The following TBC1D22B variants were observed in gnomAD, a reference collection of about 807,000 sequenced individuals.
TBC1D22B encodes chromosome 6 open reading frame 197.
Under a neutral mutation model 69.1 loss-of-function variants are expected in TBC1D22B, and 32 were observed. The observed-to-expected ratio is 0.46, with a 90% confidence interval of 0.35 to 0.62. The LOEUF (loss-of-function observed/expected upper bound fraction) is 0.62, where lower values mean the gene tolerates loss of function less well. TBC1D22B is among the 20% of genes least tolerant of loss of function. The pLI is 0.00. For missense variants in TBC1D22B, 462 were observed against 630.9 expected (o/e 0.73, Z 2.87); for synonymous variants, 206 against 229.8 (o/e 0.90, Z 0.94).
At chr6:37,318,137 A>G (rs1420939157) in intron 12 of TBC1D22B, among the ~76,000 whole-genome samples, 1 of 152,214 alleles carries the variant, frequency 6.6e-6, no homozygotes, top group Non-Finnish European at 1.5e-5. Context: ...CAAGAGTGGA[A>G]GCAGAGACCA....
rs201376208 is a variant in TBC1D22B, at chr6:37,331,108, T to C, written c.1454T>C (p.Leu485Pro). 6.2e-7 allele frequency: 1 copy of C among 1,614,200 alleles called. No homozygotes were observed. The highest frequency in any genetic ancestry group is 8.5e-7 in the Non-Finnish European group (1 of 1,180,028). Residue 485 changes from leucine (L) to proline (P), a missense_variant, in exon 13 of 13, where the codon CTT (leucine) becomes CCT (proline). Transcript: ENST00000373491. ...TGGGGCAACGAAGAAATTGGGCTGC[T>C]TCTCGCCGAGGCATACAGACTCAAG... Reference protein sequence around the residue: ...IHWGNEEIGLLLAEAYRLKYM... With the variant: ...IHWGNEEIGLPLAEAYRLKYM...
rs878896553 is a variant in TBC1D22B at position 37,331,523 on chromosome 6, C to CT, written c.*363dup. The CT allele has an allele frequency of 8.0e-3, 1,234 of 153,588 alleles. 1 individual carries two copies. The highest frequency in any genetic ancestry group is 0.023 in the Middle Eastern group (7 of 308). 9.5% of individuals were successfully genotyped at this position (153,588 alleles called of 1,614,324 possible). A position where few individuals can be genotyped will look rare whatever the true frequency, so the allele number is the denominator to read the frequency against. On this transcript the variant is annotated 3_prime_UTR_variant, in exon 13 of 13. Transcript: ENST00000373491. ...GACAGGCCCCAACTGATAACCGTTGCTTTTTTTTTTTTGTGAACATAGTTT... is the reference window on the plus strand; with the variant it reads ...GACAGGCCCCAACTGATAACCGTTGCTTTTTTTTTTTTTGTGAACATAGTTT...
chr6:37,276,898 AC>A (rs1766687133), intron 2 of TBC1D22B, among the ~76,000 whole-genome samples: 2 of 151,412 alleles, frequency 1.3e-5, no homozygotes, highest in African/African-American at 4.9e-5. Context: ...TTCAAAACAA[AC>A]AAAAATATAT....
At chr6:37,288,199 A>G (rs1196634540) in intron 7 of TBC1D22B, among the ~76,000 whole-genome samples, 4 of 152,216 alleles carry the variant, frequency 2.6e-5, no homozygotes, top group Non-Finnish European at 4.4e-5. Context: ...TGTCTTACCC[A>G]TAGCATAAAG....
At chr6:37,277,908 C>G (rs1766715556) in intron 2 of TBC1D22B, among the ~76,000 whole-genome samples, 2 of 151,710 alleles carry the variant, frequency 1.3e-5, no homozygotes, top group South Asian at 4.2e-4. Flanking sequence ...GTGAGAGGAT[C>G]ACTTGAGGCC....
intron 8 of TBC1D22B, among the ~76,000 whole-genome samples, chr6:37,299,643 G>T (rs1248775298): frequency 6.6e-6 from 1 of 152,202 alleles, no homozygotes; most frequent in African/African-American, 2.4e-5. Context: ...GCCTCTGAGG[G>T]AAGCAGCTTC....
chr6:37,324,011 A>G (rs1768324819), intron 12 of TBC1D22B, among the ~76,000 whole-genome samples: 1 of 152,232 alleles, frequency 6.6e-6, no homozygotes, highest in Non-Finnish European at 1.5e-5. Context: ...TCATAGGGAC[A>G]TGTTTTTGAA....
intron 7 of TBC1D22B, 29 bp downstream of exon 7, chr6:37,287,101 G>A (rs765996688): frequency 1.0e-5 from 16 of 1,569,556 alleles, no homozygotes; most frequent in Admixed American, 5.7e-5. Flanking sequence ...GTTCTTTGGC[G>A]CTTCTCCCCG....
intron 12 of TBC1D22B, among the ~76,000 whole-genome samples, chr6:37,318,254 T>C (rs996528342): frequency 6.6e-6 from 1 of 152,120 alleles, no homozygotes. Flanking sequence ...GTTTAGTAAG[T>C]AGAGCCAACA....
At chr6:37,283,449 A>T (rs1415640302) in intron 5 of TBC1D22B, among the ~76,000 whole-genome samples, 1 of 152,220 alleles carries the variant, frequency 6.6e-6, no homozygotes, top group Non-Finnish European at 1.5e-5. Context: ...TCATTCATCT[A>T]GTGAGGATTT....
chr6:37,299,598 A>C lies in TBC1D22B; in HGVS notation c.982+8241A>C, dbSNP rs74572609. Among the ~76,000 whole-genome samples, 420 of 152,350 alleles carry C rather than the reference A, an allele frequency of 2.8e-3. 3 individuals carry two copies. Among genetic ancestry groups the C allele is most frequent in the African/African-American group, 9.5e-3 (396 of 41,594 alleles). Reference sequence around the variant, plus strand: ...ACTCCTGTCTGGTAGGGAGGCTCACAAACAAGTCACCAGATAATTGCAAAC... The same window carrying C: ...ACTCCTGTCTGGTAGGGAGGCTCACCAACAAGTCACCAGATAATTGCAAAC... On this transcript the variant is annotated intron_variant, in intron 8 of 12. Transcript: ENST00000373491.
intron 2 of TBC1D22B, among the ~76,000 whole-genome samples, chr6:37,274,942 C>G (rs1766614316): frequency 6.6e-6 from 1 of 152,182 alleles, no homozygotes; most frequent in Non-Finnish European, 1.5e-5. Context: ...ATCCCAGCTA[C>G]TCAAGATGCT....
chr6:37,279,204 A>G (rs1232240729), intron 2 of TBC1D22B, 100 bp from the exon 3 acceptor site: 3 of 1,159,998 alleles, frequency 2.6e-6, no homozygotes, highest in African/African-American at 1.6e-5. Context: ...ATGATTATGT[A>G]TGTGGTAGTT....
chr6:37,262,062 C>A (rs1766123261), intron 1 of TBC1D22B, among the ~76,000 whole-genome samples: 1 of 147,998 alleles, frequency 6.8e-6, no homozygotes, highest in Middle Eastern at 3.5e-3. Flanking sequence ...ATGGGGTCTC[C>A]CTCTGTTGCC....
At chr6:37,258,187 G>C in intron 1 of TBC1D22B, 1 of 567,276 alleles carries the variant, frequency 1.8e-6, no homozygotes, top group South Asian at 2.2e-5. Flanking sequence ...GTCTGGGGGC[G>C]GAGGTTTCAG....
At chr6:37,309,359 GCT>G (rs1365738702) in intron 8 of TBC1D22B, among the ~76,000 whole-genome samples, 1 of 152,208 alleles carries the variant, frequency 6.6e-6, no homozygotes, top group Non-Finnish European at 1.5e-5. Flanking sequence ...TGGGGCTCTT[GCT>G]CTCTTTTTAC....
At chr6:37,321,481 CTTG>C (rs762869371) in intron 12 of TBC1D22B, among the ~76,000 whole-genome samples, 19 of 152,326 alleles carry the variant, frequency 1.2e-4, no homozygotes, top group Middle Eastern at 3.4e-3. Flanking sequence ...ACAACAAAAA[CTTG>C]TTGTTTTAAA....
chr6:37,282,249 C>T lies in TBC1D22B; in HGVS notation c.486C>T (p.Pro162=), dbSNP rs149143781. The T allele has an allele frequency of 4.7e-4, 765 of 1,614,126 alleles. No individual in the cohort carries two copies. The highest frequency in any genetic ancestry group is 6.0e-4 in the Non-Finnish European group (704 of 1,180,054). The change falls in exon 4 of 13, where the codon CCC becomes CCT. Residue 162 remains proline (P), a synonymous_variant. Transcript: ENST00000373491. Reference sequence around the variant, plus strand: ...CACTCCCTCTCCGGCCCATCATCCCCCTCGTTGCCCGGATCTCGGATCAGA... The same window carrying T: ...CACTCCCTCTCCGGCCCATCATCCCTCTCGTTGCCCGGATCTCGGATCAGA... ...QQSLPLRPII[P]LVARISDQNA...
intron 12 of TBC1D22B, among the ~76,000 whole-genome samples, chr6:37,318,685 G>T (rs556326694): frequency 2.0e-5 from 3 of 152,276 alleles, no homozygotes; most frequent in African/African-American, 7.2e-5. Context: ...CAAGAGTACA[G>T]CCTCCTGGAA....
Sources: allele counts gnomAD v4.1 joint callset (sites outside exome capture counted in the v4.1 genomes callset), GRCh38; gene constraint gnomAD v4.1.1; transcripts MANE v1.5; gene names NCBI Gene and HGNC (gene_info 2026-07-23, HGNC 2026-07-21).